Variants in VPS37A observed in about 807,000 individuals in gnomAD.
The protein encoded by VPS37A is VPS37A subunit of ESCRT-I.
VPS37A carries 30 observed loss-of-function variants against 49.8 expected under a neutral mutation model. The observed-to-expected ratio is 0.60, with a 90% CI of 0.45 to 0.82. The LOEUF (loss-of-function observed/expected upper bound fraction) is 0.82, where lower values mean the gene tolerates loss of function less well. VPS37A is among the 40% of genes least tolerant of loss of function. VPS37A has a pLI of 0.00. For synonymous variants in VPS37A, 195 were observed against 160.6 expected, an observed-to-expected ratio of 1.21 and a Z score of -1.62; for missense variants, 593 against 464.4, an observed-to-expected ratio of 1.28 and a Z score of -2.55.
chr8:17,309,413 G>T, the VPS37A span: 5 of 926,750 alleles, frequency 5.4e-6, no homozygotes, highest in Middle Eastern at 2.1e-4. Context: ...GAATTCAGAG[G>T]CACTTGCAGA....
chr8:17,292,478 A>T (rs1816243537), intron 11 of VPS37A, among the ~76,000 whole-genome samples: 1 of 152,062 alleles, frequency 6.6e-6, no homozygotes, highest in African/African-American at 2.4e-5. Flanking sequence ...TAATATTGTT[A>T]TGTGTGAATT....
At chr8:17,256,524 C>T (rs776694134) in intron 1 of VPS37A, among the ~76,000 whole-genome samples, 10 of 151,600 alleles carry the variant, frequency 6.6e-5, no homozygotes, top group Non-Finnish European at 1.3e-4. Flanking sequence ...TTGAACTCCT[C>T]ATGTATTCGG....
At chr8:17,260,075 ATAAG>A (rs1812831395) in intron 1 of VPS37A, among the ~76,000 whole-genome samples, 2 of 152,080 alleles carry the variant, frequency 1.3e-5, no homozygotes, top group African/African-American at 4.8e-5. Context: ...TTAATTATTG[ATAAG>A]TAAGGACTTC....
intron 1 of VPS37A, among the ~76,000 whole-genome samples, chr8:17,251,295 G>C (rs574717062): frequency 6.6e-6 from 1 of 152,308 alleles, no homozygotes; most frequent in East Asian, 1.9e-4. Flanking sequence ...CTGGGAGGAA[G>C]AAATGTCTCA....
At chr8:17,254,805 A>G (rs985740731) in intron 1 of VPS37A, among the ~76,000 whole-genome samples, 2 of 152,208 alleles carry the variant, frequency 1.3e-5, no homozygotes, top group Non-Finnish European at 2.9e-5. Context: ...ATAAATATGT[A>G]TAACTATTAT....
intron 1 of VPS37A, among the ~76,000 whole-genome samples, chr8:17,252,475 GC>G (rs1361140218): frequency 4.6e-5 from 7 of 152,128 alleles, no homozygotes; most frequent in Non-Finnish European, 1.0e-4. Context: ...GCCACACCCA[GC>G]CCAATTTTTC....
intron 4 of VPS37A, among the ~76,000 whole-genome samples, chr8:17,270,956 A>T (rs560572000): frequency 2.3e-4 from 35 of 152,306 alleles, no homozygotes; most frequent in African/African-American, 8.4e-4. Flanking sequence ...GCTGCCCCTC[A>T]CACACCCACT....
chr8:17,255,345 G>A (rs1812342787), intron 1 of VPS37A, among the ~76,000 whole-genome samples: 2 of 151,982 alleles, frequency 1.3e-5, no homozygotes, highest in Admixed American at 6.6e-5. Context: ...GCCGGGCATG[G>A]TAGCAGGCGC....
chr8:17,248,003 C>G (rs1490989393), intron 1 of VPS37A: 1 of 531,898 alleles, frequency 1.9e-6, no homozygotes, highest in Non-Finnish European at 3.4e-6. Context: ...TTATGTTCAT[C>G]TTGATTGTTC....
At chr8:17,298,450 G>GCAA (rs1489304512), downstream of VPS37A, 5 of 151,042 alleles carry the variant, frequency 3.3e-5, no homozygotes, top group Non-Finnish European at 7.4e-5. Context: ...TATATATATT[G>GCAA]CAACACTCCC....
intron 1 of VPS37A, among the ~76,000 whole-genome samples, chr8:17,257,110 A>G (rs1459379349): frequency 1.3e-5 from 2 of 152,144 alleles, no homozygotes; most frequent in Admixed American, 6.5e-5. Flanking sequence ...TGTGTATGGT[A>G]AGAGATAGGG....
In VPS37A at chr8:17,296,606, C is replaced by G. The variant is rs775721775; in HGVS notation, c.*1620C>G. 3 of 152,084 alleles carry G rather than the reference C, an allele frequency of 2.0e-5. No individual in the cohort carries two copies. The highest frequency in any genetic ancestry group is 4.4e-5 in the Non-Finnish European group (3 of 68,010). The allele number at this position is 152,084 out of a possible 1,614,324, so 9.4% of individuals were successfully genotyped here. On this transcript the variant is annotated 3_prime_UTR_variant, in exon 12 of 12. Transcript: ENST00000324849. Reference sequence around the variant, plus strand: ...ATAACAAGGGAGGAGCATACCACAGCCCCTCATTTGATTAATTCATTTGAT... The same window carrying G: ...ATAACAAGGGAGGAGCATACCACAGGCCCTCATTTGATTAATTCATTTGAT...
At position 17,268,241 on chromosome 8, in the gene VPS37A, T is replaced by C. The variant is rs773956294; in HGVS notation, c.201-17T>C. The C allele has an allele frequency of 6.4e-7, 1 of 1,557,646 alleles. No individual in the cohort carries two copies. Among genetic ancestry groups the C allele is most frequent in the South Asian group, 1.1e-5 (1 of 87,888 alleles). On this transcript the variant is annotated splice_polypyrimidine_tract_variant and intron_variant, in intron 2 of 11. Transcript: ENST00000324849. ...GTTATCTTTGTTTTTGTTTTTCATC[T>C]GTTCTACCTCTACCAGATTGCTTCC...
chr8:17,284,938 T>C (rs960706401), intron 10 of VPS37A, among the ~76,000 whole-genome samples: 7 of 151,890 alleles, frequency 4.6e-5, no homozygotes, highest in African/African-American at 1.7e-4. Context: ...TAAATGAGAG[T>C]GAGGGCCTGT....
chr8:17,276,487 T>G lies in VPS37A; in HGVS notation c.713+20T>G. 6.3e-7 allele frequency: 1 copy of G among 1,595,514 alleles called. No homozygotes were observed. The highest frequency in any genetic ancestry group is 8.5e-7 in the Non-Finnish European group (1 of 1,169,682). On this transcript the variant is annotated intron_variant, in intron 6 of 11. Transcript: ENST00000324849. ...ACTAAGGTAAACCTGGAAAGTAAAG[T>G]TGGTCACATTGTCTATTTTATTTGT...
At chr8:17,272,233 A>G (rs956254432) in intron 4 of VPS37A, among the ~76,000 whole-genome samples, 36 of 152,252 alleles carry the variant, frequency 2.4e-4, no homozygotes, top group African/African-American at 8.7e-4. Flanking sequence ...CTTCCAGCCT[A>G]TAGCTCTGCT....
downstream of VPS37A, chr8:17,298,742 T>A (rs1816904654): frequency 6.6e-6 from 1 of 152,558 alleles, no homozygotes; most frequent in Non-Finnish European, 1.5e-5. Flanking sequence ...TAAGTTTAAT[T>A]TAGGTCACCT....
At chr8:17,274,631 T>C in intron 4 of VPS37A, 102 bp from the exon 5 acceptor site, 3 of 770,110 alleles carry the variant, frequency 3.9e-6, no homozygotes, top group Admixed American at 2.9e-5. Flanking sequence ...TAACATTTCA[T>C]CTATATAGTA....
intron 11 of VPS37A, among the ~76,000 whole-genome samples, chr8:17,286,767 C>T (rs1463588801): frequency 6.6e-6 from 1 of 152,120 alleles, no homozygotes; most frequent in Non-Finnish European, 1.5e-5. Flanking sequence ...GCTCCTTTGT[C>T]ATTTCTTCCT....
Sources: allele counts gnomAD v4.1 joint callset (sites outside exome capture counted in the v4.1 genomes callset), GRCh38; gene constraint gnomAD v4.1.1; transcripts MANE v1.5; gene names NCBI Gene and HGNC (gene_info 2026-07-23, HGNC 2026-07-21).